The following SNX9 variants were observed in gnomAD, a reference collection of about 807,000 sequenced individuals.
The protein encoded by SNX9 is sorting nexin 9.
In SNX9, 44 loss-of-function variants were observed where a neutral mutation model predicts 89.4. The observed-to-expected ratio is 0.49, with a 90% CI of 0.39 to 0.63. The LOEUF (loss-of-function observed/expected upper bound fraction) is 0.63. Ranked by LOEUF, SNX9 falls within the 30% of genes least tolerant of loss-of-function variation. The pLI is 0.00. For synonymous variants in SNX9, 236 were observed against 247.8 expected (o/e 0.95, Z 0.45); for missense variants, 578 against 736.1 (o/e 0.79, Z 2.49).
In SNX9 at chr6:157,885,927, A is replaced by G. The variant is rs190832993; in HGVS notation, c.300+10751A>G. Among the ~76,000 whole-genome samples the G allele has an allele frequency of 7.5e-4, 115 of 152,332 alleles. 1 individual carries two copies. Among genetic ancestry groups the G allele is most frequent in the Admixed American group, 7.4e-3 (113 of 15,298 alleles). On this transcript the variant is annotated intron_variant, in intron 4 of 17. Transcript: ENST00000392185. ...TTGAGCTTTCATAGACCCTTTGTAC[A>G]TGTTTGGTAGAAAGCCAAACGGAAA...
chr6:157,856,378 T>G (rs1302832648), intron 1 of SNX9, among the ~76,000 whole-genome samples: 1 of 152,250 alleles, frequency 6.6e-6, no homozygotes, highest in Admixed American at 6.5e-5. Flanking sequence ...TGTCTCTTGC[T>G]CCTGCATTAT....
intron 4 of SNX9, among the ~76,000 whole-genome samples, chr6:157,881,994 C>G (rs1237016112): frequency 2.0e-5 from 3 of 152,170 alleles, no homozygotes; most frequent in Non-Finnish European, 4.4e-5. Flanking sequence ...GATGAAACAG[C>G]CTTCTATTAT....
rs1335585444 is a variant in SNX9, at chr6:157,823,316, C to T, written c.-119C>T. 2.2e-6 allele frequency: 2 copies of T among 913,332 alleles called. No individual in the cohort carries two copies. The highest frequency in any genetic ancestry group is 5.1e-5 in the Admixed American group (1 of 19,644). 56.6% of individuals were successfully genotyped at this position (913,332 alleles called of 1,614,324 possible). A position where few individuals can be genotyped will look rare whatever the true frequency, so the allele number is the denominator to read the frequency against. ...GGGGCCGAGGCGGAGGAGCGGCCGC[C>T]GCGCCGGGGCCCAGCCGGAGCCGCC... is the stretch of plus-strand genomic sequence containing the variant. On this transcript the variant is annotated 5_prime_UTR_variant, in exon 1 of 18. Coordinates refer to ENST00000392185, the MANE Select transcript of SNX9 (RefSeq NM_016224.5). The surrounding 1 kb of genome is among the most constrained non-coding windows in gnomAD (Gnocchi z 4.6).
intron 9 of SNX9, among the ~76,000 whole-genome samples, chr6:157,919,775 A>G (rs545910183): frequency 6.6e-6 from 1 of 151,764 alleles, no homozygotes; most frequent in African/African-American, 2.4e-5. Context: ...ATATCTTGCT[A>G]TTTCTTTGCG....
At chr6:157,890,234 C>T (rs1473751903) in intron 4 of SNX9, among the ~76,000 whole-genome samples, 2 of 152,208 alleles carry the variant, frequency 1.3e-5, no homozygotes, top group Non-Finnish European at 2.9e-5. Flanking sequence ...CACCACACAG[C>T]ACCACCATGG....
intron 10 of SNX9, among the ~76,000 whole-genome samples, chr6:157,925,514 A>G (rs1783674135): frequency 6.6e-6 from 1 of 152,114 alleles, no homozygotes; most frequent in Non-Finnish European, 1.5e-5. Context: ...CACAGACACC[A>G]GGAGACATCT....
chr6:157,868,957 C>T, intron 2 of SNX9, among the ~76,000 whole-genome samples: 1 of 152,236 alleles, frequency 6.6e-6, no homozygotes, highest in East Asian at 1.9e-4. Context: ...GTGTCCTCTC[C>T]CTCGTGACCG....
At chr6:157,911,988 C>G (rs1783356773) in intron 9 of SNX9, among the ~76,000 whole-genome samples, 1 of 152,156 alleles carries the variant, frequency 6.6e-6, no homozygotes, top group African/African-American at 2.4e-5. Context: ...GGTGGAGTGA[C>G]AGCCAGATGG....
chr6:157,874,827 C>A, intron 3 of SNX9: 2 of 411,098 alleles, frequency 4.9e-6, no homozygotes, highest in Non-Finnish European at 8.6e-6. Flanking sequence ...CTAAATAATG[C>A]ATGGATCAAA....
intron 9 of SNX9, among the ~76,000 whole-genome samples, chr6:157,916,570 A>G (rs1783476979): frequency 6.6e-6 from 1 of 152,158 alleles, no homozygotes; most frequent in Non-Finnish European, 1.5e-5. Flanking sequence ...GTTTTTTGTT[A>G]GATGTGCTTT....
Position 157,823,304 on chromosome 6 carries a change from A to G in SNX9, c.-131A>G. On this transcript the variant is annotated 5_prime_UTR_variant, in exon 1 of 18. Coordinates refer to ENST00000392185, the MANE Select transcript of SNX9 (RefSeq NM_016224.5). This position sits in a 1 kb window ranked among gnomAD's most constrained non-coding sequence, Gnocchi z 4.6. ...GCGTCGAGACTCGGGGCCGAGGCGG[A>G]GGAGCGGCCGCCGCGCCGGGGCCCA... 1 of 731,024 alleles carries G rather than the reference A, an allele frequency of 1.4e-6. No homozygotes were observed. The highest frequency in any genetic ancestry group is 5.7e-5 in the East Asian group (1 of 17,674). The allele number at this position is 731,024 out of a possible 1,614,324, so 45.3% of individuals were successfully genotyped here. A position where few individuals can be genotyped will look rare whatever the true frequency, so the allele number is the denominator to read the frequency against.
At chr6:157,930,691 A>C (rs963639429) in intron 12 of SNX9, among the ~76,000 whole-genome samples, 9 of 152,236 alleles carry the variant, frequency 5.9e-5, no homozygotes, top group African/African-American at 1.9e-4. Context: ...CTGAGGTGGA[A>C]CAGTTTCATC....
intron 4 of SNX9, among the ~76,000 whole-genome samples, chr6:157,881,414 A>G (rs1011469983): frequency 6.6e-6 from 1 of 152,078 alleles, no homozygotes; most frequent in Admixed American, 6.6e-5. Flanking sequence ...CAGTTAACCA[A>G]TTATTAACCC....
At chr6:157,834,503 C>G (rs1371242225) in intron 1 of SNX9, among the ~76,000 whole-genome samples, 4 of 147,486 alleles carry the variant, frequency 2.7e-5, no homozygotes, top group Non-Finnish European at 4.5e-5. Context: ...TGTGCCACCC[C>G]CCCGGCCAAT....
intron 17 of SNX9, 53 bp from the exon 18 acceptor site, chr6:157,942,738 A>C: frequency 6.4e-7 from 1 of 1,571,888 alleles, no homozygotes; most frequent in Non-Finnish European, 8.7e-7. Context: ...GAACACTGTG[A>C]GGTCGTAATG....
At chr6:157,865,472 G>T (rs1179140445) in intron 1 of SNX9, among the ~76,000 whole-genome samples, 1 of 151,986 alleles carries the variant, frequency 6.6e-6, no homozygotes, top group Non-Finnish European at 1.5e-5. Flanking sequence ...CGTCCTGCTG[G>T]CCTGGGCGCC....
Position 157,938,165 on chromosome 6 carries a change from T to TA in SNX9, c.1534-462dup, listed in dbSNP as rs548811100. On this transcript the variant is annotated intron_variant, in intron 15 of 17. Coordinates refer to ENST00000392185, the MANE Select transcript of SNX9 (RefSeq NM_016224.5). ...GTCTTTAAATGGATTCAGCGCCTCTTAAAAAATCAAAGGAAAGCCCAGGAC... is the reference window on the plus strand; with the variant it reads ...GTCTTTAAATGGATTCAGCGCCTCTTAAAAAAATCAAAGGAAAGCCCAGGAC... Among the ~76,000 whole-genome samples, 689 of 152,326 alleles carry TA rather than the reference T, an allele frequency of 4.5e-3. 4 individuals carry two copies. Among genetic ancestry groups the TA allele is most frequent in the African/African-American group, 0.015 (615 of 41,562 alleles).
intron 16 of SNX9, among the ~76,000 whole-genome samples, chr6:157,940,175 G>T (rs1784008652): frequency 6.6e-6 from 1 of 152,190 alleles, no homozygotes; most frequent in Admixed American, 6.5e-5. Context: ...TGAAGCAATT[G>T]CTGTGCAGGA....
intron 15 of SNX9, among the ~76,000 whole-genome samples, chr6:157,937,773 T>A (rs1462106157): frequency 6.6e-6 from 1 of 152,346 alleles, no homozygotes; most frequent in Admixed American, 6.5e-5. Flanking sequence ...ATATTTTATG[T>A]CAACCATAGT....
Sources: allele counts gnomAD v4.1 joint callset (sites outside exome capture counted in the v4.1 genomes callset), GRCh38; gene constraint gnomAD v4.1.1; non-coding constraint Gnocchi (gnomAD v3.1); transcripts MANE v1.5; gene names NCBI Gene and HGNC (gene_info 2026-07-23, HGNC 2026-07-21).